Variants in JADE3 observed in about 807,000 individuals in gnomAD.
JADE3 encodes the protein protein Jade-3.
In JADE3, 2 loss-of-function variants were observed where a neutral mutation model predicts 50.1. The ratio of observed to expected loss-of-function variants is 0.04; its 90% CI spans 0.02 to 0.13. The LOEUF (loss-of-function observed/expected upper bound fraction) is 0.13. JADE3 is among the 10% of genes least tolerant of loss of function. The probability of loss-of-function intolerance (pLI) is 1.00; values close to 1 mark genes in which losing one functional copy is unlikely to be tolerated. For missense variants in JADE3, 475 were observed against 634.4 expected (o/e 0.75, Z 2.70); for synonymous variants, 218 against 232.9 (o/e 0.94, Z 0.58).
intron 3 of JADE3, among the ~76,000 whole-genome samples, chrX:46,992,222 A>G (rs1928028597): frequency 9.0e-6 from 1 of 110,731 alleles, no homozygotes; most frequent in Non-Finnish European, 1.9e-5. Context: ...TTGGTAAGGG[A>G]ACCAGGGCAC....
At chrX:47,004,415 T>G (rs1418068467) in intron 4 of JADE3, among the ~76,000 whole-genome samples, 1 of 111,879 alleles carries the variant, frequency 8.9e-6, no homozygotes, top group Non-Finnish European at 1.9e-5. Context: ...GGGATTTGCT[T>G]AAGTATAAAT....
chrX:47,018,208 C>T (rs1181255352), intron 4 of JADE3, among the ~76,000 whole-genome samples: 1 of 111,520 alleles, frequency 9.0e-6, no homozygotes. Flanking sequence ...ACTCTCCTCA[C>T]CCCATCTCCT....
intron 1 of JADE3, among the ~76,000 whole-genome samples, chrX:46,966,362 C>T (rs939328449): frequency 2.7e-5 from 3 of 111,189 alleles, no homozygotes; most frequent in South Asian, 3.8e-4. Flanking sequence ...TTTGCTTTTC[C>T]CTCCTACCTT....
At chrX:46,924,753 T>C (rs1556338535) in intron 1 of JADE3, among the ~76,000 whole-genome samples, 1 of 112,531 alleles carries the variant, frequency 8.9e-6, no homozygotes, top group Non-Finnish European at 1.9e-5. Flanking sequence ...TATACGTTTG[T>C]CTTGCTTTCT....
intron 1 of JADE3, among the ~76,000 whole-genome samples, chrX:46,957,095 G>T (rs1556346610): frequency 9.0e-6 from 1 of 111,502 alleles, no homozygotes; most frequent in East Asian, 2.8e-4. Context: ...AAAGTGCCGG[G>T]ATTATAGGCA....
chrX:46,961,064 G>A (rs1927247667), intron 1 of JADE3, among the ~76,000 whole-genome samples: 1 of 111,974 alleles, frequency 8.9e-6, no homozygotes, highest in African/African-American at 3.2e-5. Flanking sequence ...TGCCCCAGAA[G>A]CAGGAAAATT....
chrX:46,949,669 AATCAAGATATAAAACATTTCT>A (rs2147115396), intron 1 of JADE3, among the ~76,000 whole-genome samples: 1 of 111,759 alleles, frequency 8.9e-6, no homozygotes, highest in East Asian at 2.8e-4. Flanking sequence ...CCCACACCCT[AATCAAGATATAAAACATTTCT>A]ATGTCCCTGA....
intron 8 of JADE3, among the ~76,000 whole-genome samples, chrX:47,049,656 G>A (rs185205318): frequency 9.4e-6 from 1 of 106,446 alleles, no homozygotes; most frequent in East Asian, 3.0e-4. Flanking sequence ...ATGTTTCCCA[G>A]GCTGGTCTTG....
At chrX:47,001,377 A>T (rs1022765868) in intron 4 of JADE3, among the ~76,000 whole-genome samples, 3 of 111,729 alleles carry the variant, frequency 2.7e-5, no homozygotes, top group Admixed American at 9.6e-5. Context: ...TCTGGGGATG[A>T]CACTTTGAGA....
chrX:46,978,222 CA>C (rs1392779125), intron 1 of JADE3, among the ~76,000 whole-genome samples: 2 of 111,071 alleles, frequency 1.8e-5, no homozygotes, highest in Non-Finnish European at 3.8e-5. Context: ...TAAAGAATCA[CA>C]AAAAAAATCT....
chrX:46,928,257 T>C (rs1926413594), intron 1 of JADE3, among the ~76,000 whole-genome samples: 2 of 112,150 alleles, frequency 1.8e-5, no homozygotes, highest in African/African-American at 3.2e-5. Flanking sequence ...TCCAAATTCC[T>C]GTAAATTCTA....
chrX:46,920,753 G>A (rs1926203784), intron 1 of JADE3, among the ~76,000 whole-genome samples: 1 of 112,254 alleles, frequency 8.9e-6, no homozygotes, highest in Non-Finnish European at 1.9e-5. Context: ...CTTTGCATAT[G>A]TGTCAAAAAT....
intron 8 of JADE3, among the ~76,000 whole-genome samples, chrX:47,042,432 T>G (rs1344329234): frequency 1.8e-5 from 2 of 111,464 alleles, no homozygotes; most frequent in Non-Finnish European, 3.8e-5. Flanking sequence ...ATTAATAGAT[T>G]GATGGATGGA....
chrX:46,939,283 TC>T (rs1443689442), intron 1 of JADE3, among the ~76,000 whole-genome samples: 1 of 111,922 alleles, frequency 8.9e-6, no homozygotes, highest in Non-Finnish European at 1.9e-5. Flanking sequence ...TTTTTTTTTT[TC>T]TGTTGGGATT....
chrX:46,937,873 T>C (rs1481747187), intron 1 of JADE3, among the ~76,000 whole-genome samples: 1 of 110,957 alleles, frequency 9.0e-6, no homozygotes, highest in Admixed American at 9.6e-5. Context: ...TCCAGCTGCT[T>C]GGGAGCTGAG....
intron 8 of JADE3, among the ~76,000 whole-genome samples, chrX:47,041,640 TC>T (rs1929258390): frequency 9.0e-6 from 1 of 110,738 alleles, no homozygotes; most frequent in South Asian, 3.8e-4. Context: ...GCCTTGGCCT[TC>T]CAATCCAAAG....
intron 1 of JADE3, among the ~76,000 whole-genome samples, chrX:46,924,710 T>C (rs1556338519): frequency 8.9e-6 from 1 of 112,408 alleles, no homozygotes; most frequent in East Asian, 2.8e-4. Context: ...CTCCCTGTTT[T>C]AGGCTTAAAA....
chrX:46,941,634 T>G (rs781963265), intron 1 of JADE3, among the ~76,000 whole-genome samples: 7 of 111,943 alleles, frequency 6.3e-5, no homozygotes, highest in Non-Finnish European at 1.1e-4. Flanking sequence ...TGGTTTTGAT[T>G]TGCATTTCTC....
intron 8 of JADE3, among the ~76,000 whole-genome samples, chrX:47,044,751 G>A (rs1471256342): frequency 8.9e-6 from 1 of 112,101 alleles, no homozygotes; most frequent in Non-Finnish European, 1.9e-5. Context: ...ATAATAAGAT[G>A]TAAGTAGAAA....
Sources: gnomAD v4.1 joint callset for allele counts (sites outside exome capture counted in the v4.1 genomes callset) on GRCh38, gnomAD v4.1.1 for gene constraint, MANE v1.5 for transcripts, NCBI Gene and HGNC (gene_info 2026-07-23, HGNC 2026-07-21) for gene names.